The following FOXO1 variants were observed in gnomAD, a reference collection of about 807,000 sequenced individuals.
FOXO1 encodes the protein forkhead box O1, also known as forkhead box protein O1.
In FOXO1, 6 loss-of-function variants were observed where a neutral mutation model predicts 44.1. That is an observed-to-expected ratio of 0.14 (90% confidence interval 0.07 to 0.27). The LOEUF is 0.27. Among genes scored for constraint, FOXO1 ranks in the 10% least tolerant of loss-of-function variants. FOXO1 has a pLI of 1.00. For missense variants in FOXO1, 737 were observed against 888.8 expected (o/e 0.83, Z 2.17); for synonymous variants, 380 against 362.7 (o/e 1.05, Z -0.54).
At chr13:40,563,606 C>CCACA in intron 1 of FOXO1, among the ~76,000 whole-genome samples, 1 of 152,238 alleles carries the variant, frequency 6.6e-6, no homozygotes, top group Admixed American at 6.5e-5. Flanking sequence ...CCACCTTCCT[C>CCACA]CACACCCAAG....
intron 1 of FOXO1, among the ~76,000 whole-genome samples, chr13:40,632,515 G>A (rs923678584): frequency 2.6e-5 from 4 of 151,996 alleles, no homozygotes; most frequent in East Asian, 1.9e-4. Flanking sequence ...GTGGGCACCC[G>A]TAATCCTAGC....
intron 1 of FOXO1, among the ~76,000 whole-genome samples, chr13:40,640,590 G>A (rs552624597): frequency 2.3e-4 from 35 of 152,300 alleles, no homozygotes; most frequent in African/African-American, 7.5e-4. Flanking sequence ...AATAGAGACA[G>A]TACCTAATGG....
rs1321813739 is a variant in FOXO1 at position 40,665,602 on chromosome 13, T to C, written c.611A>G (p.Asn204Ser). 6 of 1,438,594 alleles carry C rather than the reference T, an allele frequency of 4.2e-6. No individual in the cohort carries two copies. Among genetic ancestry groups the C allele is most frequent in the Non-Finnish European group, 5.6e-6 (6 of 1,079,694 alleles). The allele number at this position is 1,438,594 out of a possible 1,614,324, so 89.1% of individuals were successfully genotyped here. ...ACTCACCTTCCAGCCCGCCGAGCTGTTGCTGTCACCCTTATCCTTGAAGTA... is the reference window on the plus strand; with the variant it reads ...ACTCACCTTCCAGCCCGCCGAGCTGCTGCTGTCACCCTTATCCTTGAAGTA... ...VPYFKDKGDS[N>S]SSAGWKNSIR... The change falls in exon 1 of 3, where the codon AAC becomes AGC. Residue 204 changes from asparagine (N) to serine (S), a missense_variant. Transcript: ENST00000379561.
rs1470144519 is a variant in FOXO1, at chr13:40,646,267, TAAAGCAA to T, written c.630+19309_630+19315del. 9.9e-5 allele frequency among the ~76,000 whole-genome samples: 15 copies of T among 151,210 alleles called. No homozygotes were observed. The South Asian group carries it at 2.7e-3, about 27-fold the overall frequency. The stretch of plus-strand genomic sequence containing the variant: ...GTGAAGGAATTGTGGTTTTCTTTTT[TAAAGCAA>T]AAGTTGACTTCTGTGACCTTTTTTT... On this transcript the variant is annotated intron_variant, in intron 1 of 2. Transcript: ENST00000379561.
intron 1 of FOXO1, among the ~76,000 whole-genome samples, chr13:40,621,701 T>G (rs1876623410): frequency 6.6e-6 from 1 of 152,232 alleles, no homozygotes; most frequent in Non-Finnish European, 1.5e-5. Context: ...CAGACTTTAC[T>G]TTCAAGTTTC....
Position 40,623,654 on chromosome 13 carries a change from T to C in FOXO1, c.630+41929A>G, listed in dbSNP as rs147609088. On this transcript the variant is annotated intron_variant, in intron 1 of 2. Transcript: ENST00000379561. ...CATTAACAAATGTACAATTTCCAGATCACAGGAAATTAAAGTCTCACTACA... is the reference window on the plus strand; with the variant it reads ...CATTAACAAATGTACAATTTCCAGACCACAGGAAATTAAAGTCTCACTACA... 1.5e-3 allele frequency among the ~76,000 whole-genome samples: 235 copies of C among 152,178 alleles called. 2 individuals are homozygous for C. The highest frequency in any genetic ancestry group is 5.4e-3 in the African/African-American group (223 of 41,504).
Position 40,560,214 on chromosome 13 carries a change from T to C in FOXO1, c.1277A>G (p.Tyr426Cys). Residue 426 changes from tyrosine to cysteine, a missense_variant, in exon 2 of 3, where the codon TAT becomes TGT. Physicochemically the swap from Tyr to Cys is radical, Grantham distance 194 (BLOSUM62 -2). This residue lies in a region of FOXO1 where 283 missense variants were observed against 278.1 expected (regional missense o/e 1.02). Coordinates refer to ENST00000379561, the MANE Select transcript of FOXO1 (RefSeq NM_002015.4). The surrounding 1 kb of genome is among the most constrained non-coding windows in gnomAD (Gnocchi z 5.1). ...CAAAGGGCTCATGCTGGATTGGCCA[T>C]ATGTATATTTTTGGTAGTTTGGGCT... ...SPSPNYQKYT[Y>C]GQSSMSPLPQ... 6.2e-7 allele frequency: 1 copy of C among 1,614,160 alleles called. No individual in the cohort carries two copies. The highest frequency in any genetic ancestry group is 8.5e-7 in the Non-Finnish European group (1 of 1,180,034).
chr13:40,618,515 G>A (rs1343512505), intron 1 of FOXO1, among the ~76,000 whole-genome samples: 2 of 152,212 alleles, frequency 1.3e-5, no homozygotes, highest in Non-Finnish European at 2.9e-5. Context: ...GCCGAGTGAT[G>A]AGGGCAGAGA....
At chr13:40,594,286 C>T (rs1049263351) in intron 1 of FOXO1, among the ~76,000 whole-genome samples, 1 of 152,060 alleles carries the variant, frequency 6.6e-6, no homozygotes, top group Non-Finnish European at 1.5e-5. Flanking sequence ...CAGCGGGAGC[C>T]AAGCAAAAGT....
intron 1 of FOXO1, among the ~76,000 whole-genome samples, chr13:40,643,852 C>A (rs1877431610): frequency 6.6e-6 from 1 of 152,186 alleles, no homozygotes; most frequent in African/African-American, 2.4e-5. Context: ...TTCCTTTGAG[C>A]ACCTCAACTT....
At chr13:40,609,125 A>G (rs934369809) in intron 1 of FOXO1, among the ~76,000 whole-genome samples, 2 of 152,226 alleles carry the variant, frequency 1.3e-5, no homozygotes, top group African/African-American at 4.8e-5. Flanking sequence ...CAATGTCATT[A>G]AAACTACTCA....
chr13:40,638,590 G>A (rs1877239388), intron 1 of FOXO1, among the ~76,000 whole-genome samples: 1 of 152,150 alleles, frequency 6.6e-6, no homozygotes, highest in South Asian at 2.1e-4. Context: ...CCTGTTAAGG[G>A]GGGAATCAAA....
intron 1 of FOXO1, among the ~76,000 whole-genome samples, chr13:40,615,194 T>C (rs1467509070): frequency 1.3e-5 from 2 of 151,922 alleles, no homozygotes; most frequent in Admixed American, 6.6e-5. Context: ...GTGGGGGAGA[T>C]GGACAAGAAT....
rs201043730 is a variant in FOXO1, at chr13:40,628,390, C to CA, written c.630+37192_630+37193insT. Among the ~76,000 whole-genome samples the CA allele has an allele frequency of 9.1e-4, 138 of 150,974 alleles. 2 individuals are homozygous for CA. In the South Asian group the frequency reaches 0.02, roughly 22 times the overall value. ...ACACACACACACACACACACACACACCCCGTGAGGGTTTCAGTCTTCCCGG... is the reference window on the plus strand; with the variant it reads ...ACACACACACACACACACACACACACACCCGTGAGGGTTTCAGTCTTCCCGG... On this transcript the variant is annotated intron_variant, in intron 1 of 2. Transcript: ENST00000379561.
rs181205153 is a variant in FOXO1 at position 40,607,877 on chromosome 13, G to A, written c.631-47017C>T. ...GAACAAGGGGCCCATGACAGAAACAGGTTACATGAATTGCCTGGGGTTCCC... is the reference window on the plus strand; with the variant it reads ...GAACAAGGGGCCCATGACAGAAACAAGTTACATGAATTGCCTGGGGTTCCC... On this transcript the variant is annotated intron_variant, in intron 1 of 2. Coordinates refer to ENST00000379561, the MANE Select transcript of FOXO1 (RefSeq NM_002015.4). 1.3e-4 allele frequency among the ~76,000 whole-genome samples: 20 copies of A among 152,336 alleles called. No individual in the cohort carries two copies. The East Asian group carries it at 3.7e-3, about 28-fold the overall frequency.
rs1351641415 is a variant in FOXO1, at chr13:40,558,934, T to TG, written c.*114_*115insC. On this transcript the variant is annotated 3_prime_UTR_variant, in exon 3 of 3. Transcript: ENST00000379561. Reference sequence around the variant, plus strand: ...AGGAGGGTTTTTTTTTTTGTTTTTTTTTTTAACCAAGAAAACTAAAAGGGA... The same window carrying TG: ...AGGAGGGTTTTTTTTTTTGTTTTTTTGTTTTAACCAAGAAAACTAAAAGGGA... 2.0e-5 allele frequency: 8 copies of TG among 398,526 alleles called. No individual in the cohort carries two copies. Among genetic ancestry groups the TG allele is most frequent in the East Asian group, 3.6e-5 (1 of 28,062 alleles). 24.7% of individuals were successfully genotyped at this position (398,526 alleles called of 1,614,324 possible). A position where few individuals can be genotyped will look rare whatever the true frequency, so the allele number is the denominator to read the frequency against.
intron 1 of FOXO1, among the ~76,000 whole-genome samples, chr13:40,578,995 G>A (rs1874864875): frequency 6.6e-6 from 1 of 152,170 alleles, no homozygotes; most frequent in Non-Finnish European, 1.5e-5. Context: ...TAATGAGGAA[G>A]AAAATCTAAG....
At chr13:40,628,356 T>TACACACACACACACACACAC (rs34314244) in intron 1 of FOXO1, among the ~76,000 whole-genome samples, 20 of 145,206 alleles carry the variant, frequency 1.4e-4, no homozygotes, top group African/African-American at 2.3e-4. Flanking sequence ...AAGAGCTGTT[T>TACACACACACACACACACAC]ACACACACAC....
At chr13:40,643,997 T>C (rs10507484) in intron 1 of FOXO1, among the ~76,000 whole-genome samples, 62,757 of 151,948 alleles carry the variant, frequency 0.41, 14,180 homozygotes, top group East Asian at 0.73. Flanking sequence ...ACTCCTAATA[T>C]TTACTGCAAA....
Sources: gnomAD v4.1 joint callset for allele counts (sites outside exome capture counted in the v4.1 genomes callset) on GRCh38, gnomAD v4.1.1 for gene constraint, gnomAD v4.1.1 regional missense constraint, Gnocchi (gnomAD v3.1) non-coding constraint, MANE v1.5 for transcripts, NCBI Gene and HGNC (gene_info 2026-07-23, HGNC 2026-07-21) for gene names.